Variants in SORCS1 observed in about 807,000 individuals in gnomAD.
The protein encoded by SORCS1 is sortilin related VPS10 domain containing receptor 1, also known as VPS10 domain-containing receptor SorCS1.
A neutral mutation model predicts 146.1 loss-of-function variants in SORCS1; 60 were observed. The observed-to-expected ratio is 0.41, with a 90% CI of 0.33 to 0.51. SORCS1 has a LOEUF of 0.51. Among genes scored for constraint, SORCS1 ranks in the 20% least tolerant of loss-of-function variants. The pLI is 0.21. For synonymous variants in SORCS1, 637 were observed against 584.0 expected (o/e 1.09, Z -1.31); for missense variants, 1,352 against 1,487.6 (o/e 0.91, Z 1.50).
intron 1 of SORCS1, among the ~76,000 whole-genome samples, chr10:107,011,200 G>A (rs1481510991): frequency 6.6e-6 from 1 of 152,100 alleles, no homozygotes; most frequent in Non-Finnish European, 1.5e-5. Flanking sequence ...CCTCTTTCTT[G>A]GGTCTGTTTT....
chr10:106,795,204 A>T (rs1946497909), intron 3 of SORCS1, among the ~76,000 whole-genome samples: 1 of 152,242 alleles, frequency 6.6e-6, no homozygotes, highest in South Asian at 2.1e-4. Flanking sequence ...GGTTTATTAA[A>T]GTCTTTGGAA....
At chr10:106,963,291 A>G (rs1955344977) in intron 1 of SORCS1, among the ~76,000 whole-genome samples, 1 of 151,430 alleles carries the variant, frequency 6.6e-6, no homozygotes, top group African/African-American at 2.4e-5. Context: ...AACTTTCCGT[A>G]TTTTTAGTAG....
intron 1 of SORCS1, among the ~76,000 whole-genome samples, chr10:107,146,460 C>T (rs1394027915): frequency 6.6e-6 from 1 of 152,124 alleles, no homozygotes; most frequent in Admixed American, 6.6e-5. Context: ...TGGATCATAA[C>T]GTCTCAAAGA....
intron 2 of SORCS1, among the ~76,000 whole-genome samples, chr10:106,917,404 T>C (rs763538745): frequency 2.0e-5 from 3 of 152,198 alleles, no homozygotes; most frequent in Non-Finnish European, 2.9e-5. Context: ...AAATGGTCTA[T>C]AGCTTTGGTA....
chr10:106,945,839 C>T (rs151027116), intron 2 of SORCS1, among the ~76,000 whole-genome samples: 1 of 152,326 alleles, frequency 6.6e-6, no homozygotes, highest in African/African-American at 2.4e-5. Flanking sequence ...AGGCCAGACT[C>T]TCACAGATGG....
intron 19 of SORCS1, among the ~76,000 whole-genome samples, chr10:106,626,231 T>C (rs1348194028): frequency 6.6e-6 from 1 of 152,132 alleles, no homozygotes; most frequent in Non-Finnish European, 1.5e-5. Flanking sequence ...AGGACAGGCT[T>C]GGTGAGCTAA....
chr10:107,087,994 C>T (rs998589513), intron 1 of SORCS1, among the ~76,000 whole-genome samples: 1 of 152,220 alleles, frequency 6.6e-6, no homozygotes, highest in Non-Finnish European at 1.5e-5. Flanking sequence ...TCTCGGCTCA[C>T]GGCAAGCTCC....
intron 3 of SORCS1, among the ~76,000 whole-genome samples, chr10:106,778,881 C>A (rs934080766): frequency 3.3e-5 from 5 of 152,088 alleles, no homozygotes; most frequent in Non-Finnish European, 7.4e-5. Flanking sequence ...AATACTTAAT[C>A]AAAATAAAAT....
intron 1 of SORCS1, among the ~76,000 whole-genome samples, chr10:107,089,287 T>C (rs1963994471): frequency 6.6e-6 from 1 of 152,216 alleles, no homozygotes; most frequent in Non-Finnish European, 1.5e-5. Context: ...CTCATATTAC[T>C]TGACATGAAC....
chr10:106,899,617 A>G (rs1392376405), intron 2 of SORCS1, among the ~76,000 whole-genome samples: 1 of 118,650 alleles, frequency 8.4e-6, no homozygotes, highest in African/African-American at 3.3e-5. Context: ...TTTTTTGTCC[A>G]AAATTTTTAC....
chr10:107,092,832 T>A (rs1964285401), intron 1 of SORCS1, among the ~76,000 whole-genome samples: 1 of 150,342 alleles, frequency 6.7e-6, no homozygotes, highest in Non-Finnish European at 1.5e-5. Flanking sequence ...TGAAAAGCAC[T>A]TTCAGCTTTT....
chr10:106,784,817 G>T (rs887249722), intron 3 of SORCS1, among the ~76,000 whole-genome samples: 1 of 152,222 alleles, frequency 6.6e-6, no homozygotes, highest in Non-Finnish European at 1.5e-5. Context: ...GGAAGAGAGA[G>T]CAGGAAAGAG....
chr10:107,014,304 G>A (rs1310140673), intron 1 of SORCS1, among the ~76,000 whole-genome samples: 4 of 147,444 alleles, frequency 2.7e-5, no homozygotes, highest in Non-Finnish European at 4.5e-5. Context: ...GAGAGAGAGA[G>A]AAAGAAACAA....
At chr10:107,154,567 T>G (rs552886641) in intron 1 of SORCS1, among the ~76,000 whole-genome samples, 1 of 152,070 alleles carries the variant, frequency 6.6e-6, no homozygotes, top group Non-Finnish European at 1.5e-5. Flanking sequence ...ATTGGAAATA[T>G]TTAGTAAGCA....
chr10:106,986,460 G>A (rs1171908302), intron 1 of SORCS1, among the ~76,000 whole-genome samples: 1 of 151,690 alleles, frequency 6.6e-6, no homozygotes, highest in African/African-American at 2.4e-5. Flanking sequence ...ATTTATTTTA[G>A]ACAAGACTGT....
At chr10:106,614,632 A>G (rs1025143381) in intron 21 of SORCS1, among the ~76,000 whole-genome samples, 2 of 152,124 alleles carry the variant, frequency 1.3e-5, no homozygotes, top group African/African-American at 4.8e-5. Context: ...CTTTCTCCGT[A>G]CCTCTTACCA....
At chr10:106,885,702 C>G (rs887681018) in intron 2 of SORCS1, among the ~76,000 whole-genome samples, 2 of 152,102 alleles carry the variant, frequency 1.3e-5, no homozygotes, top group Non-Finnish European at 2.9e-5. Flanking sequence ...GTGTCCCCCC[C>G]CAAATCTCAT....
At chr10:107,171,538 A>G in the SORCS1 span, among the ~76,000 whole-genome samples, 1 of 53,308 alleles carries the variant, frequency 1.9e-5, no homozygotes, top group Non-Finnish European at 4.3e-5. Flanking sequence ...TTTTTTTGGC[A>G]CAGAGTCTAA....
intron 2 of SORCS1, among the ~76,000 whole-genome samples, chr10:106,911,067 G>C (rs780072972): frequency 6.6e-6 from 1 of 152,178 alleles, no homozygotes; most frequent in Non-Finnish European, 1.5e-5. Flanking sequence ...CTAAGCTCCA[G>C]GTGCTTCATT....
Sources: allele counts gnomAD v4.1 joint callset (sites outside exome capture counted in the v4.1 genomes callset), GRCh38; gene constraint gnomAD v4.1.1; transcripts MANE v1.5; gene names NCBI Gene and HGNC (gene_info 2026-07-23, HGNC 2026-07-21).